Variants in GALNT16 observed in about 807,000 individuals in gnomAD.
GALNT16 encodes the protein polypeptide N-acetylgalactosaminyltransferase 16, also known as UDP-GalNAc:polypeptide N-acetylgalactosaminyltransferase-like protein 1.
In GALNT16, 40 loss-of-function variants were observed where a neutral mutation model predicts 76.1. The observed-to-expected ratio is 0.53, with a 90% CI of 0.41 to 0.68. The LOEUF is 0.68. Ranked by LOEUF, GALNT16 falls within the 30% of genes least tolerant of loss-of-function variation. GALNT16 has a pLI of 0.00. For missense variants in GALNT16, 621 were observed against 731.9 expected, an observed-to-expected ratio of 0.85 and a Z score of 1.75; for synonymous variants, 276 against 285.2, an observed-to-expected ratio of 0.97 and a Z score of 0.32.
intron 1 of GALNT16, among the ~76,000 whole-genome samples, chr14:69,267,727 G>A (rs1386138633): frequency 6.6e-6 from 1 of 152,136 alleles, no homozygotes; most frequent in African/African-American, 2.4e-5. Flanking sequence ...CCCACTTCTA[G>A]GCTCAGCCCT....
the GALNT16 span, among the ~76,000 whole-genome samples, chr14:69,372,349 CAT>C: frequency 2.0e-5 from 3 of 152,206 alleles, no homozygotes; most frequent in South Asian, 2.1e-4. Flanking sequence ...GGTCTGTTGA[CAT>C]AGAATCTTAT....
chr14:69,366,709 T>C, the GALNT16 span, among the ~76,000 whole-genome samples: 5 of 152,344 alleles, frequency 3.3e-5, no homozygotes, highest in South Asian at 1.0e-3. Flanking sequence ...CCAGTATGAA[T>C]AGGCATACAC....
intron 1 of GALNT16, among the ~76,000 whole-genome samples, chr14:69,285,123 C>T (rs1386963992): frequency 6.7e-6 from 1 of 148,488 alleles, no homozygotes; most frequent in East Asian, 2.0e-4. Flanking sequence ...TCACTGCAAG[C>T]TCCGCCTCCC....
intron 1 of GALNT16, among the ~76,000 whole-genome samples, chr14:69,318,527 A>G (rs1191888745): frequency 1.3e-5 from 2 of 152,152 alleles, no homozygotes; most frequent in East Asian, 3.8e-4. Flanking sequence ...TCATAAACAA[A>G]TGAATGCATG....
chr14:69,362,848 G>T, the GALNT16 span, among the ~76,000 whole-genome samples: 1 of 152,236 alleles, frequency 6.6e-6, no homozygotes, highest in Non-Finnish European at 1.5e-5. Flanking sequence ...CTCAGACATG[G>T]TGGCCTGAAA....
intron 14 of GALNT16, chr14:69,348,403 C>T (rs191101036): frequency 3.1e-4 from 108 of 343,950 alleles, no homozygotes; most frequent in Non-Finnish European, 5.3e-4. Flanking sequence ...AGTACTACCT[C>T]CATTTTATAA....
At chr14:69,374,197 ATCAT>A in the GALNT16 span, among the ~76,000 whole-genome samples, 6 of 152,284 alleles carry the variant, frequency 3.9e-5, no homozygotes, top group Admixed American at 1.3e-4. Context: ...CTCCTAGCCC[ATCAT>A]TCACTTGCCT....
chr14:69,324,204 G>A (rs2045245169), intron 2 of GALNT16, among the ~76,000 whole-genome samples: 2 of 152,032 alleles, frequency 1.3e-5, no homozygotes, highest in Admixed American at 6.5e-5. Flanking sequence ...GTGACAGGGA[G>A]GAATTCCCTG....
chr14:69,296,009 A>G (rs562314527), intron 1 of GALNT16, among the ~76,000 whole-genome samples: 1 of 152,296 alleles, frequency 6.6e-6, no homozygotes, highest in African/African-American at 2.4e-5. Context: ...AATACCTGAC[A>G]TTAGGTAATA....
Position 69,353,183 on chromosome 14 carries a change from G to A in GALNT16, c.*1015G>A, listed in dbSNP as rs947245087. The A allele has an allele frequency of 6.6e-6, 1 of 152,192 alleles. No individual in the cohort carries two copies. Among genetic ancestry groups the A allele is most frequent in the African/African-American group, 2.4e-5 (1 of 41,400 alleles). 9.4% of individuals were successfully genotyped at this position (152,192 alleles called of 1,614,324 possible). On this transcript the variant is annotated 3_prime_UTR_variant, in exon 15 of 15. Coordinates refer to ENST00000448469, the MANE Select transcript of GALNT16 (RefSeq NM_001168368.2). ...TTTGCCTCTGTCAATACAGCATCAT[G>A]GGTGGTTGGAAAGAAGGGAACTTCC...
intron 6 of GALNT16, among the ~76,000 whole-genome samples, chr14:69,330,793 G>C (rs965484661): frequency 3.9e-5 from 6 of 152,172 alleles, no homozygotes; most frequent in African/African-American, 1.4e-4. Flanking sequence ...TTTACATGTG[G>C]TATATGACAT....
intron 1 of GALNT16, among the ~76,000 whole-genome samples, chr14:69,264,821 T>G (rs529383303): frequency 7.6e-6 from 1 of 131,078 alleles, no homozygotes; most frequent in Non-Finnish European, 1.6e-5. Context: ...TTTTCTTTCT[T>G]TTTTTTTTTG....
At chr14:69,376,065 C>T in the GALNT16 span, among the ~76,000 whole-genome samples, 1 of 151,974 alleles carries the variant, frequency 6.6e-6, no homozygotes, top group Admixed American at 6.6e-5. Context: ...GAGATACTGT[C>T]TCACTCTGCT....
At chr14:69,343,137 A>T (rs2045516772) in intron 12 of GALNT16, among the ~76,000 whole-genome samples, 1 of 152,220 alleles carries the variant, frequency 6.6e-6, no homozygotes. Flanking sequence ...CATGTCTAAA[A>T]GCCGCATGCG....
rs761486012 is a variant in GALNT16 at position 69,352,181 on chromosome 14, G to A, written c.*13G>A. ...GCCACACACATGACGGTAGCCCTGG[G>A]GCCTCCTGTACCTTTTGCATGAGAC... On this transcript the variant is annotated 3_prime_UTR_variant, in exon 15 of 15. Transcript: ENST00000448469. The A allele has an allele frequency of 6.3e-7, 1 of 1,599,994 alleles. No individual in the cohort carries two copies. Among genetic ancestry groups the A allele is most frequent in the Admixed American group, 1.7e-5 (1 of 58,016 alleles).
chr14:69,312,860 T>G (rs531189759), intron 1 of GALNT16, among the ~76,000 whole-genome samples: 4 of 152,240 alleles, frequency 2.6e-5, no homozygotes, highest in African/African-American at 9.6e-5. Context: ...GCTTTGGAGC[T>G]GAGGACTCAG....
At chr14:69,301,443 T>A (rs1717447189) in intron 1 of GALNT16, among the ~76,000 whole-genome samples, 1 of 152,098 alleles carries the variant, frequency 6.6e-6, no homozygotes, top group African/African-American at 2.4e-5. Context: ...ACCCTCCACC[T>A]CCTGGGTTCA....
intron 11 of GALNT16, among the ~76,000 whole-genome samples, chr14:69,340,870 A>G (rs1403337212): frequency 7.3e-6 from 1 of 137,034 alleles, no homozygotes; most frequent in Non-Finnish European, 1.7e-5. Flanking sequence ...CTGACTGTAC[A>G]TGGGGCGTAT....
intron 14 of GALNT16, chr14:69,348,419 T>A: frequency 3.2e-6 from 1 of 307,730 alleles, no homozygotes; most frequent in Non-Finnish European, 6.0e-6. Flanking sequence ...TATAAGTGAG[T>A]AAGCTGAGGC....
Sources: gnomAD v4.1 joint callset for allele counts (sites outside exome capture counted in the v4.1 genomes callset) on GRCh38, gnomAD v4.1.1 for gene constraint, MANE v1.5 for transcripts, NCBI Gene and HGNC (gene_info 2026-07-23, HGNC 2026-07-21) for gene names.